The following NLRP5 variants were observed in gnomAD, a reference collection of about 807,000 sequenced individuals.
NLRP5 encodes NLR family pyrin domain containing 5.
A neutral mutation model predicts 113.1 loss-of-function variants in NLRP5; 93 were observed. That is an observed-to-expected ratio of 0.82 (90% CI 0.70 to 0.98). NLRP5 has a LOEUF of 0.98. NLRP5 is among the 50% of genes least tolerant of loss of function. The pLI is 0.00. For synonymous variants in NLRP5, 751 were observed against 600.7 expected (o/e 1.25, Z -3.66); for missense variants, 1,808 against 1,514.3 (o/e 1.19, Z -3.22).
At chr19:56,010,170 T>TTCTTGAGACCACG (rs1982126381) in intron 3 of NLRP5, among the ~76,000 whole-genome samples, 4 of 152,086 alleles carry the variant, frequency 2.6e-5, no homozygotes, top group Non-Finnish European at 5.9e-5. Context: ...TTGAGACCAC[T>TTCTTGAGACCACG]TGGATCACGC....
At chr19:55,990,089 T>TTC in the NLRP5 span, among the ~76,000 whole-genome samples, 13 of 49,522 alleles carry the variant, frequency 2.6e-4, no homozygotes, top group South Asian at 7.0e-4. Flanking sequence ...CTTTTTTTTT[T>TTC]TTTTTTTTTT....
intron 1 of NLRP5, among the ~76,000 whole-genome samples, chr19:56,003,208 A>G (rs1270744529): frequency 6.6e-6 from 1 of 152,158 alleles, no homozygotes; most frequent in African/African-American, 2.4e-5. Context: ...CTGGAGTGCA[A>G]TGATGCAGTC....
chr19:55,993,218 C>T, the NLRP5 span, among the ~76,000 whole-genome samples: 1 of 151,612 alleles, frequency 6.6e-6, no homozygotes, highest in African/African-American at 2.4e-5. Context: ...ATTCATCACC[C>T]CAAACATTTG....
chr19:56,027,449 A>G lies in NLRP5; in HGVS notation c.1216A>G (p.Ile406Val). 3.7e-6 allele frequency: 6 copies of G among 1,613,706 alleles called. No individual in the cohort carries two copies. Among genetic ancestry groups the G allele is most frequent in the Non-Finnish European group, 5.1e-6 (6 of 1,179,794 alleles). Residue 406 changes from isoleucine to valine, a missense_variant, in exon 7 of 15, where the codon ATC becomes GTC. Physicochemically the swap from Ile to Val is conservative, Grantham distance 29. Coordinates refer to ENST00000390649, the MANE Select transcript of NLRP5 (RefSeq NM_153447.4). ...GGTCCTGCTCCCTGAGTCCTTCCTG[A>G]TCGTCACCGTCAGAGACGTGGGCAC... is the stretch of plus-strand genomic sequence containing the variant.
chr19:56,027,482 C>T lies in NLRP5; in HGVS notation c.1249C>T (p.Leu417Phe), dbSNP rs770043165. 11 of 1,613,774 alleles carry T rather than the reference C, an allele frequency of 6.8e-6. No homozygotes were observed. The East Asian group carries it at 2.2e-4, about 33-fold the overall frequency. The change falls in exon 7 of 15, where the codon CTC (leucine) becomes TTC (phenylalanine). Residue 417 changes from leucine (L) to phenylalanine (F), a missense_variant. By Grantham distance (22) the Leu-to-Phe change is conservative. Transcript: ENST00000390649. ...CGTCAGAGACGTGGGCACAGAGAAG[C>T]TCAAGTCAGAGGTCGTGTCTCCCCG...
At chr19:56,049,000 G>A (rs1317556348) in intron 11 of NLRP5, among the ~76,000 whole-genome samples, 1 of 28,716 alleles carries the variant, frequency 3.5e-5, no homozygotes, top group South Asian at 1.0e-3. Flanking sequence ...TTTTTTTTTT[G>A]AGACAGAGTC....
chr19:55,993,044 T>C, the NLRP5 span, among the ~76,000 whole-genome samples: 2 of 151,886 alleles, frequency 1.3e-5, no homozygotes, highest in East Asian at 3.9e-4. Context: ...AGATGGGGTT[T>C]CTCCATGTTG....
chr19:56,021,160 G>C (rs1982602408), intron 6 of NLRP5, among the ~76,000 whole-genome samples: 1 of 152,062 alleles, frequency 6.6e-6, no homozygotes, highest in African/African-American at 2.4e-5. Flanking sequence ...ATTTGCCGCT[G>C]TGCCCAGCTG....
chr19:56,019,359 G>C lies in NLRP5; in HGVS notation c.583G>C (p.Glu195Gln), dbSNP rs1403240742. The C allele has an allele frequency of 1.9e-6, 3 of 1,613,852 alleles. No homozygotes were observed. Among genetic ancestry groups the C allele is most frequent in the Non-Finnish European group, 2.5e-6 (3 of 1,179,880 alleles). ...TTTTGCAGAAATTTCACAAGCTATGGAACAAGAAGGTGCCACAGCAGCAGA... is the reference window on the plus strand; with the variant it reads ...TTTTGCAGAAATTTCACAAGCTATGCAACAAGAAGGTGCCACAGCAGCAGA... Residue 195 changes from glutamate (E) to glutamine (Q), a missense_variant, in exon 5 of 15, where the codon GAA becomes CAA. Glu to Gln is a conservative substitution (Grantham distance 29). Transcript: ENST00000390649.
intron 11 of NLRP5, 88 bp downstream of exon 11, chr19:56,041,180 G>T (rs150501753): frequency 3.9e-6 from 5 of 1,291,572 alleles, no homozygotes; most frequent in Admixed American, 1.9e-5. Context: ...GTGGGGAGGG[G>T]GTGTGGACAT....
At chr19:56,023,305 G>C (rs916291803) in intron 6 of NLRP5, among the ~76,000 whole-genome samples, 1 of 152,188 alleles carries the variant, frequency 6.6e-6, no homozygotes, top group African/African-American at 2.4e-5. Flanking sequence ...GAGGACAACA[G>C]GTCGGTCTGA....
Position 56,027,070 on chromosome 19 carries a change from T to C in NLRP5, c.837T>C (p.Pro279=). 6.4e-7 allele frequency: 1 copy of C among 1,557,904 alleles called. No homozygotes were observed. The highest frequency in any genetic ancestry group is 1.2e-5 in the South Asian group (1 of 84,396). ...ATTCAGACCGGTGGGGCTTCCGGCC[T>C]CGCACGGTGGTTCTGCACGGAAAGT... is the stretch of plus-strand genomic sequence containing the variant. The change falls in exon 7 of 15, where the codon CCT becomes CCC. Residue 279 remains proline, a synonymous_variant. Coordinates refer to ENST00000390649, the MANE Select transcript of NLRP5 (RefSeq NM_153447.4).
chr19:56,031,602 G>C (rs980685525), intron 7 of NLRP5, among the ~76,000 whole-genome samples: 2 of 142,312 alleles, frequency 1.4e-5, no homozygotes, highest in African/African-American at 5.3e-5. Flanking sequence ...CTGCACTCCA[G>C]CCTGGGAGAT....
chr19:56,005,272 CAT>C (rs199502829), intron 2 of NLRP5, among the ~76,000 whole-genome samples: 2,588 of 146,370 alleles, frequency 0.018, 34 homozygotes, highest in Middle Eastern at 0.029. Context: ...TACACATACA[CAT>C]ATACACATAT....
chr19:56,018,667 G>T (rs919359594), intron 4 of NLRP5: 1 of 152,284 alleles, frequency 6.6e-6, no homozygotes. Flanking sequence ...AAGCATGACC[G>T]TAGCTCACTA....
chr19:56,061,102 A>C (rs1984336134), intron 14 of NLRP5, among the ~76,000 whole-genome samples: 1 of 152,224 alleles, frequency 6.6e-6, no homozygotes, highest in African/African-American at 2.4e-5. Context: ...AGGCTGTGAC[A>C]TCAGCAAGCT....
In NLRP5 at chr19:56,053,826, C is replaced by T. The variant is rs763651253; in HGVS notation, c.3299+18C>T. The T allele has an allele frequency of 1.9e-6, 3 of 1,609,534 alleles. No homozygotes were observed. Among genetic ancestry groups the T allele is most frequent in the Non-Finnish European group, 1.7e-6 (2 of 1,176,978 alleles). ...AGACTCGGGTAACTTCCTGGGGCGC[C>T]TCTTTGCGGGCCGGGCTGGGAGGAG... On this transcript the variant is annotated intron_variant, in intron 13 of 14. Coordinates refer to ENST00000390649, the MANE Select transcript of NLRP5 (RefSeq NM_153447.4).
At chr19:55,997,507 G>A (rs148496671), upstream of NLRP5, among the ~76,000 whole-genome samples, 42 of 152,196 alleles carry the variant, frequency 2.8e-4, no homozygotes, top group African/African-American at 9.2e-4. Flanking sequence ...TCTCGGAATA[G>A]TTTGAGAAGA....
Position 56,003,746 on chromosome 19 carries a change from C to G in NLRP5, c.93C>G (p.Cys31Trp), listed in dbSNP as rs746717412. Residue 31 changes from cysteine (C) to tryptophan (W), a missense_variant, in exon 2 of 15, where the codon TGC (cysteine) becomes TGG (tryptophan). Physicochemically the swap from Cys to Trp is radical, Grantham distance 215. Transcript: ENST00000390649. Reference sequence around the variant, plus strand: ...TCACTCTTTCCACAGGTCCTACTTGCTCTATATTACCAAAGAATCCACTTT... The same window carrying G: ...TCACTCTTTCCACAGGTCCTACTTGGTCTATATTACCAAAGAATCCACTTT... The G allele has an allele frequency of 5.6e-6, 9 of 1,612,014 alleles. No homozygotes were observed. Among genetic ancestry groups the G allele is most frequent in the African/African-American group, 1.3e-5 (1 of 74,798 alleles).
Sources: allele counts gnomAD v4.1 joint callset (sites outside exome capture counted in the v4.1 genomes callset), GRCh38; gene constraint gnomAD v4.1.1; transcripts MANE v1.5; gene names NCBI Gene and HGNC (gene_info 2026-07-23, HGNC 2026-07-21).